The following SLC35D4 variants were observed in gnomAD, a reference collection of about 807,000 sequenced individuals.
SLC35D4 encodes the protein solute carrier family 35 member D4, also known as UDP-N-acetylglucosamine transporter SLC35D4.
At chr18:23,301,859 C>T in the SLC35D4 span, among the ~76,000 whole-genome samples, 1 of 152,152 alleles carries the variant, frequency 6.6e-6, no homozygotes, top group East Asian at 1.9e-4. Flanking sequence ...TACTATAAAA[C>T]TGTTAATTAA....
the SLC35D4 span, among the ~76,000 whole-genome samples, chr18:23,285,953 T>C: frequency 3.3e-5 from 5 of 151,982 alleles, no homozygotes; most frequent in Non-Finnish European, 7.4e-5. Flanking sequence ...AATATAAAAA[T>C]CCAGCCCCGT....
chr18:23,259,484 T>C, the SLC35D4 span: 1 of 152,230 alleles, frequency 6.6e-6, no homozygotes. Flanking sequence ...CCCATGAAGT[T>C]AGTGGTCCAT....
chr18:23,253,148 G>C, the SLC35D4 span: 1 of 783,044 alleles, frequency 1.3e-6, no homozygotes, highest in East Asian at 2.6e-5. Context: ...CTGTCCAGTG[G>C]TCCTTCCTGT....
the SLC35D4 span, among the ~76,000 whole-genome samples, chr18:23,299,040 A>G: frequency 6.6e-6 from 1 of 152,230 alleles, no homozygotes; most frequent in Non-Finnish European, 1.5e-5. Flanking sequence ...CCTGACATAC[A>G]GGTAACTCAC....
the SLC35D4 span, among the ~76,000 whole-genome samples, chr18:23,408,873 A>G: frequency 2.7e-5 from 4 of 146,466 alleles, no homozygotes; most frequent in South Asian, 2.1e-4. Context: ...AGTGGCTCAC[A>G]GCTTTAATCC....
At chr18:23,386,109 A>G in the SLC35D4 span, among the ~76,000 whole-genome samples, 1 of 140,998 alleles carries the variant, frequency 7.1e-6, no homozygotes, top group East Asian at 2.1e-4. Flanking sequence ...TGGGTGACAG[A>G]GCGAGACTCT....
At chr18:23,249,608 G>A in the SLC35D4 span, among the ~76,000 whole-genome samples, 2 of 152,140 alleles carry the variant, frequency 1.3e-5, no homozygotes, top group Admixed American at 1.3e-4. Flanking sequence ...CGTACGTTTT[G>A]TTCTCTTTGA....
the SLC35D4 span, among the ~76,000 whole-genome samples, chr18:23,429,714 G>A: frequency 6.6e-6 from 1 of 152,154 alleles, no homozygotes; most frequent in Non-Finnish European, 1.5e-5. Context: ...TGACTGGTAT[G>A]AGGTGGTATC....
chr18:23,424,871 A>T, the SLC35D4 span, among the ~76,000 whole-genome samples: 1 of 152,156 alleles, frequency 6.6e-6, no homozygotes, highest in Non-Finnish European at 1.5e-5. Context: ...ACAAACAAAC[A>T]CGTTTGCTAT....
chr18:23,434,094 C>A, the SLC35D4 span, among the ~76,000 whole-genome samples: 2 of 152,166 alleles, frequency 1.3e-5, no homozygotes, highest in Non-Finnish European at 2.9e-5. Flanking sequence ...GGGAGCATCA[C>A]CATCCTGCTT....
the SLC35D4 span, among the ~76,000 whole-genome samples, chr18:23,360,422 G>A: frequency 6.6e-6 from 1 of 152,198 alleles, no homozygotes; most frequent in Non-Finnish European, 1.5e-5. Context: ...CGTGGTATAT[G>A]CATACAATGG....
the SLC35D4 span, among the ~76,000 whole-genome samples, chr18:23,302,381 G>A: frequency 7.2e-5 from 11 of 152,292 alleles, no homozygotes; most frequent in East Asian, 1.2e-3. Context: ...TGGCAATGTC[G>A]GGGATGTTTT....
chr18:23,293,152 G>A, the SLC35D4 span, among the ~76,000 whole-genome samples: 6 of 152,208 alleles, frequency 3.9e-5, no homozygotes, highest in African/African-American at 1.4e-4. Flanking sequence ...GCAGAGGCAG[G>A]AGAATCGCTT....
At chr18:23,427,184 A>C in the SLC35D4 span, among the ~76,000 whole-genome samples, 2 of 152,216 alleles carry the variant, frequency 1.3e-5, no homozygotes, top group African/African-American at 2.4e-5. Context: ...TGATTAAACT[A>C]AAGAGCTTCT....
the SLC35D4 span, among the ~76,000 whole-genome samples, chr18:23,276,446 T>A: frequency 6.6e-6 from 1 of 151,342 alleles, no homozygotes. Flanking sequence ...TTTTTTTTTT[T>A]AGAAAAAGGA....
At chr18:23,269,016 C>T in the SLC35D4 span, among the ~76,000 whole-genome samples, 4 of 152,296 alleles carry the variant, frequency 2.6e-5, no homozygotes, top group South Asian at 2.1e-4. Flanking sequence ...ATCTCCTCAC[C>T]GTTCCGTGGC....
chr18:23,400,555 A>T, the SLC35D4 span, among the ~76,000 whole-genome samples: 1 of 152,184 alleles, frequency 6.6e-6, no homozygotes, highest in Non-Finnish European at 1.5e-5. Context: ...TGAGCTCAGG[A>T]GGCAGAGGTT....
At chr18:23,405,045 A>G in the SLC35D4 span, among the ~76,000 whole-genome samples, 7 of 146,850 alleles carry the variant, frequency 4.8e-5, no homozygotes, top group Non-Finnish European at 1.0e-4. Flanking sequence ...GAGCTTGTTC[A>G]CTTCTTGTAC....
At chr18:23,362,860 A>C in the SLC35D4 span, among the ~76,000 whole-genome samples, 1 of 152,200 alleles carries the variant, frequency 6.6e-6, no homozygotes, top group Non-Finnish European at 1.5e-5. Context: ...AATCACCAAG[A>C]TTCCTTCCAG....
Sources: allele counts gnomAD v4.1 joint callset (sites outside exome capture counted in the v4.1 genomes callset), GRCh38; gene constraint gnomAD v4.1.1; transcripts MANE v1.5; gene names NCBI Gene and HGNC (gene_info 2026-07-23, HGNC 2026-07-21).